Variants in BAIAP2 observed in about 807,000 individuals in gnomAD.
BAIAP2 encodes BAR/IMD domain-containing adapter protein 2.
In BAIAP2, 18 loss-of-function variants were observed where a neutral mutation model predicts 63.0. The ratio of observed to expected loss-of-function variants is 0.29; its 90% CI spans 0.20 to 0.42. BAIAP2 has a LOEUF of 0.42. BAIAP2 is among the 10% of genes least tolerant of loss of function. The pLI is 1.00. For missense variants in BAIAP2, 610 were observed against 734.3 expected (o/e 0.83, Z 1.96); for synonymous variants, 386 against 307.6 (o/e 1.25, Z -2.67).
At position 81,035,222 on chromosome 17, in the gene BAIAP2, C is replaced by G. The variant is rs755247850; in HGVS notation, c.-33C>G. 1.4e-6 allele frequency: 2 copies of G among 1,473,308 alleles called. No homozygotes were observed. Among genetic ancestry groups the G allele is most frequent in the African/African-American group, 1.5e-5 (1 of 68,430 alleles). The allele number at this position is 1,473,308 out of a possible 1,614,324, so 91.3% of individuals were successfully genotyped here. On this transcript the variant is annotated 5_prime_UTR_variant, in exon 1 of 14. Coordinates refer to ENST00000428708, the MANE Select transcript of BAIAP2 (RefSeq NM_001144888.2). ...CTGCTGCCGCCGCTTGCGTCCCCCG[C>G]TCCGGTCTGTGGTGCAGCCGGGACC...
rs1460808806 is a variant in BAIAP2, at chr17:81,108,525, G to A, written c.1535+16G>A. 6.2e-7 allele frequency: 1 copy of A among 1,613,892 alleles called. No homozygotes were observed. Among genetic ancestry groups the A allele is most frequent in the East Asian group, 2.2e-5 (1 of 44,876 alleles). On this transcript the variant is annotated intron_variant, in intron 13 of 13. Coordinates refer to ENST00000428708, the MANE Select transcript of BAIAP2 (RefSeq NM_001144888.2). The stretch of plus-strand genomic sequence containing the variant: ...CCATGAGCAGGTAAGGGGACTTTCA[G>A]ACCTGTCTTTGGGACCGTGGGTGGG...
intron 1 of BAIAP2, among the ~76,000 whole-genome samples, chr17:81,052,258 C>T (rs943304813): frequency 2.6e-5 from 4 of 152,238 alleles, no homozygotes; most frequent in Admixed American, 6.5e-5. Context: ...TCGCTGAGCA[C>T]GCCTATCCCA....
chr17:81,057,840 C>T (rs1386277378), intron 2 of BAIAP2, 41 bp from the exon 3 acceptor site: 3 of 1,593,000 alleles, frequency 1.9e-6, no homozygotes, highest in Non-Finnish European at 8.6e-7. Context: ...CTTGTCTGTC[C>T]CTCGTGGAGG....
intron 10 of BAIAP2, chr17:81,105,107 C>T (rs2059001637): frequency 8.4e-6 from 1 of 119,560 alleles, no homozygotes; most frequent in African/African-American, 3.3e-5. Context: ...GGGGTCTCCC[C>T]CCAGTGGCAG....
rs765629866 is a variant in BAIAP2, at chr17:81,099,950, A to G, written c.512A>G (p.Lys171Arg). The change falls in exon 7 of 14, where the codon AAG (lysine) becomes AGG (arginine). Residue 171 changes from lysine to arginine, a missense_variant. Around this residue, in one of 5 missense-constraint regions of BAIAP2, gnomAD observed 389 missense variants for 455.6 expected, o/e 0.85. Transcript: ENST00000428708. ...CAGTACATCGACGCCATCAGCAACA[A>G]GCAGGGCGAGCTGGAGAATTACGTG... is the stretch of plus-strand genomic sequence containing the variant. ...ELQYIDAISN[K>R]QGELENYVSD... The G allele has an allele frequency of 3.1e-6, 5 of 1,613,274 alleles. No individual in the cohort carries two copies. The South Asian group carries it at 3.3e-5, about 11-fold the overall frequency.
chr17:81,092,110 G>A (rs985247350), intron 6 of BAIAP2, among the ~76,000 whole-genome samples: 1 of 152,246 alleles, frequency 6.6e-6, no homozygotes, highest in Non-Finnish European at 1.5e-5. Context: ...AGCGACCCAA[G>A]AGCTGGGTGT....
intron 1 of BAIAP2, 35 bp from the exon 2 acceptor site, chr17:81,053,633 G>C (rs1272053869): frequency 1.2e-6 from 2 of 1,612,478 alleles, no homozygotes; most frequent in African/African-American, 2.7e-5. Flanking sequence ...GGTGACCTCT[G>C]CCAGTAATGC....
chr17:81,065,247 C>T (rs1002572210), intron 3 of BAIAP2, among the ~76,000 whole-genome samples: 1 of 152,232 alleles, frequency 6.6e-6, no homozygotes, highest in Admixed American at 6.5e-5. Context: ...GCAAGCCTGG[C>T]AGGTGACCCG....
At chr17:81,057,745 C>A (rs535971945) in intron 2 of BAIAP2, 136 bp from the exon 3 acceptor site, 1 of 1,412,182 alleles carries the variant, frequency 7.1e-7, no homozygotes, top group Non-Finnish European at 9.2e-7. Context: ...GAAATCACAG[C>A]GAGTCGAGTA....
At chr17:81,096,559 C>T (rs1423982647) in intron 6 of BAIAP2, among the ~76,000 whole-genome samples, 1 of 152,174 alleles carries the variant, frequency 6.6e-6, no homozygotes, top group Admixed American at 6.5e-5. Flanking sequence ...AGTGGTGTTG[C>T]AGGGGCATGG....
chr17:81,098,073 CAGGCCAGCTGGGGTCATGGAG>C (rs1568164320), intron 6 of BAIAP2: 2 of 1,297,458 alleles, frequency 1.5e-6, no homozygotes, highest in African/African-American at 1.5e-5. Flanking sequence ...ACATGATCCC[CAGGCCAGCTGGGGTCATGGAG>C]GGGCCAGCGG....
intron 1 of BAIAP2, among the ~76,000 whole-genome samples, chr17:81,042,574 GGACAGTCAGCAGGTGGGCCATGCCAGGT>G (rs2047235584): frequency 6.6e-6 from 1 of 152,172 alleles, no homozygotes; most frequent in African/African-American, 2.4e-5. Flanking sequence ...TTGTGGCAGG[GGACAGTCAGCAGGTGGGCCATGCCAGGT>G]GACCGCCTGC....
chr17:81,081,081 C>T (rs1315043126), intron 3 of BAIAP2, among the ~76,000 whole-genome samples: 2 of 152,208 alleles, frequency 1.3e-5, no homozygotes, highest in African/African-American at 2.4e-5. Context: ...CCTGTTGTCA[C>T]CTGCCACCCC....
In BAIAP2 at chr17:81,086,647, C is replaced by T. The variant is rs141506955; in HGVS notation, c.489+67C>T. On this transcript the variant is annotated intron_variant, in intron 6 of 13. Coordinates refer to ENST00000428708, the MANE Select transcript of BAIAP2 (RefSeq NM_001144888.2). ...TGGGACTGCTCACCCCTCGGCCCCC[C>T]TCGTCCACAGGGAGTGGACAGCAGC... is the stretch of plus-strand genomic sequence containing the variant. 3.2e-6 allele frequency: 5 copies of T among 1,586,408 alleles called. 1 individual carries two copies. Among genetic ancestry groups the T allele is most frequent in the Middle Eastern group, 4.4e-4 (2 of 4,510 alleles).
At chr17:81,051,524 C>G (rs757582507) in intron 1 of BAIAP2, among the ~76,000 whole-genome samples, 10 of 152,072 alleles carry the variant, frequency 6.6e-5, no homozygotes, top group Non-Finnish European at 1.5e-4. Context: ...CTCAGGCTCC[C>G]AAGTAGCTGG....
At chr17:81,085,089 G>A (rs141127100) in intron 4 of BAIAP2, 196 bp downstream of exon 4, 66 of 614,040 alleles carry the variant, frequency 1.1e-4, no homozygotes, top group East Asian at 6.7e-4. Flanking sequence ...GCCAGACCGC[G>A]GCCGCATGTT....
intron 4 of BAIAP2, 65 bp downstream of exon 4, chr17:81,084,958 C>A: frequency 2.0e-6 from 3 of 1,529,498 alleles, no homozygotes; most frequent in Non-Finnish European, 2.7e-6. Flanking sequence ...TGGCGCCACA[C>A]CTTGGCCGTG....
At chr17:81,045,727 CG>C (rs2047707961) in intron 1 of BAIAP2, among the ~76,000 whole-genome samples, 1 of 152,174 alleles carries the variant, frequency 6.6e-6, no homozygotes, top group Non-Finnish European at 1.5e-5. Flanking sequence ...CCCTGGTATG[CG>C]TGGGACCTGG....
In BAIAP2 at chr17:81,059,885, G is replaced by C. The variant is rs559731301; in HGVS notation, c.217+1918G>C. ...GCTCTTGTGGCCCACAGTGAGGGGT[G>C]GGTGGGTCCGAAATGGGTGGGATTC... On this transcript the variant is annotated intron_variant, in intron 3 of 13. Coordinates refer to ENST00000428708, the MANE Select transcript of BAIAP2 (RefSeq NM_001144888.2). Among the ~76,000 whole-genome samples the C allele has an allele frequency of 2.0e-5, 3 of 152,342 alleles. No individual in the cohort carries two copies. In the East Asian group the frequency reaches 5.8e-4, roughly 29 times the overall value.
Sources: allele counts gnomAD v4.1 joint callset (sites outside exome capture counted in the v4.1 genomes callset), GRCh38; gene constraint gnomAD v4.1.1; regional missense constraint gnomAD v4.1.1; transcripts MANE v1.5; gene names NCBI Gene and HGNC (gene_info 2026-07-23, HGNC 2026-07-21).